CHEK1: variants seen among roughly 807,000 people sequenced by gnomAD.
CHEK1 encodes the protein serine/threonine-protein kinase Chk1.
CHEK1 carries 32 observed loss-of-function variants against 60.2 expected under a neutral mutation model. The ratio of observed to expected loss-of-function variants is 0.53; its 90% confidence interval spans 0.40 to 0.71. The LOEUF (loss-of-function observed/expected upper bound fraction) is 0.71, where lower values mean the gene tolerates loss of function less well. Ranked by LOEUF, CHEK1 falls within the 30% of genes least tolerant of loss-of-function variation. The probability of loss-of-function intolerance (pLI) is 0.00; values close to 1 mark genes in which losing one functional copy is unlikely to be tolerated. For missense variants in CHEK1, 399 were observed against 564.6 expected (o/e 0.71, Z 2.97); for synonymous variants, 179 against 187.2 (o/e 0.96, Z 0.36).
At chr11:125,649,453 A>G (rs1941625598) in intron 11 of CHEK1, among the ~76,000 whole-genome samples, 1 of 151,880 alleles carries the variant, frequency 6.6e-6, no homozygotes, top group Non-Finnish European at 1.5e-5. Context: ...GCCAGGTGTC[A>G]TGGCTGACAC....
chr11:125,635,605 C>T, intron 7 of CHEK1, 72 bp downstream of exon 7: 1 of 994,168 alleles, frequency 1.0e-6, no homozygotes, highest in East Asian at 2.8e-5. Context: ...TGAATTTTTT[C>T]TTACTTTTTT....
intron 5 of CHEK1, among the ~76,000 whole-genome samples, chr11:125,630,049 A>C (rs3731402): frequency 0.021 from 3,124 of 152,146 alleles, 83 homozygotes; most frequent in African/African-American, 0.068. Flanking sequence ...TAATCCTTTA[A>C]TGGATTAATA....
chr11:125,677,809 T>C (rs376205119), downstream of CHEK1: 18 of 1,613,996 alleles, frequency 1.1e-5, no homozygotes, highest in African/African-American at 2.0e-4. Flanking sequence ...GTAGATGTGC[T>C]TGAAATTGGT....
chr11:125,639,663 T>C (rs537406677), intron 8 of CHEK1, among the ~76,000 whole-genome samples: 1 of 152,202 alleles, frequency 6.6e-6, no homozygotes, highest in Admixed American at 6.5e-5. Context: ...TGAGCTACTG[T>C]GTCTGGTCCC....
At chr11:125,669,477 T>C (rs1565390485) in intron 13 of CHEK1, among the ~76,000 whole-genome samples, 1 of 151,990 alleles carries the variant, frequency 6.6e-6, no homozygotes. Flanking sequence ...TTCAGTAATT[T>C]GCTTATTATG....
At chr11:125,641,190 A>G (rs552763615) in intron 8 of CHEK1, among the ~76,000 whole-genome samples, 1 of 152,092 alleles carries the variant, frequency 6.6e-6, no homozygotes, top group East Asian at 1.9e-4. Flanking sequence ...CAGTTCTCAG[A>G]CCTCTTGTTT....
downstream of CHEK1, among the ~76,000 whole-genome samples, chr11:125,678,485 T>C (rs1429649483): frequency 2.0e-5 from 3 of 152,154 alleles, no homozygotes; most frequent in Non-Finnish European, 4.4e-5. Flanking sequence ...AGGACAGAAG[T>C]GTTTAGTGAA....
chr11:125,672,513 G>A, intron 13 of CHEK1: 2 of 1,543,500 alleles, frequency 1.3e-6, no homozygotes, highest in Non-Finnish European at 1.8e-6. Flanking sequence ...GACTGGGGAA[G>A]GAACTAAATA....
downstream of CHEK1, among the ~76,000 whole-genome samples, chr11:125,658,384 C>A (rs1045140881): frequency 6.6e-6 from 1 of 152,098 alleles, no homozygotes; most frequent in South Asian, 2.1e-4. Context: ...TTATGACATG[C>A]CTGTTCTAGT....
Position 125,655,388 on chromosome 11 carries a change from G to A in CHEK1, c.*68G>A. On this transcript the variant is annotated 3_prime_UTR_variant, in exon 13 of 13. Transcript: ENST00000438015. ...CTATGTTGACATTATTCTTCCTAGA[G>A]AAGATTATCCTGTCCTGCAAACTGC... The A allele has an allele frequency of 8.6e-7, 1 of 1,164,570 alleles. No individual in the cohort carries two copies. The highest frequency in any genetic ancestry group is 2.4e-5 in the East Asian group (1 of 41,518). The allele number at this position is 1,164,570 out of a possible 1,614,324, so 72.1% of individuals were successfully genotyped here. A position where few individuals can be genotyped will look rare whatever the true frequency, so the allele number is the denominator to read the frequency against.
chr11:125,674,687 T>C (rs1003217237), intron 13 of CHEK1, among the ~76,000 whole-genome samples: 1 of 152,234 alleles, frequency 6.6e-6, no homozygotes, highest in African/African-American at 2.4e-5. Flanking sequence ...CCAACCTGGA[T>C]GGGCTACTGG....
chr11:125,642,032 T>C (rs943648719), intron 8 of CHEK1, among the ~76,000 whole-genome samples: 5 of 151,512 alleles, frequency 3.3e-5, no homozygotes, highest in Non-Finnish European at 5.9e-5. Context: ...GGTCATATTG[T>C]TGTTCTTCTT....
intron 13 of CHEK1, among the ~76,000 whole-genome samples, chr11:125,675,462 T>C (rs2134115764): frequency 6.6e-6 from 1 of 152,336 alleles, no homozygotes; most frequent in African/African-American, 2.4e-5. Flanking sequence ...TGGATGAATG[T>C]CTGCATGTAG....
At chr11:125,669,834 A>G (rs952818438) in intron 13 of CHEK1, among the ~76,000 whole-genome samples, 4 of 152,058 alleles carry the variant, frequency 2.6e-5, no homozygotes, top group African/African-American at 9.7e-5. Context: ...ATGCCTAGGC[A>G]TATTTCTTTG....
chr11:125,641,587 T>A (rs1254763240), intron 8 of CHEK1, among the ~76,000 whole-genome samples: 4 of 152,246 alleles, frequency 2.6e-5, no homozygotes, highest in Non-Finnish European at 5.9e-5. Flanking sequence ...AATTCCAAAC[T>A]GAGTTACTGA....
chr11:125,667,469 A>AT (rs1177380708), intron 13 of CHEK1, among the ~76,000 whole-genome samples: 1 of 152,148 alleles, frequency 6.6e-6, no homozygotes, highest in Non-Finnish European at 1.5e-5. Flanking sequence ...TCGTACATTG[A>AT]TTTTGTCAAT....
chr11:125,645,716 T>A (rs974549469), intron 11 of CHEK1, among the ~76,000 whole-genome samples: 1 of 152,178 alleles, frequency 6.6e-6, no homozygotes, highest in Non-Finnish European at 1.5e-5. Flanking sequence ...GAAGTGATAT[T>A]TTCATTCAGC....
At chr11:125,635,609 C>T in intron 7 of CHEK1, 76 bp downstream of exon 7, 5 of 832,532 alleles carry the variant, frequency 6.0e-6, no homozygotes, top group South Asian at 4.7e-5. Flanking sequence ...TTTTTTCTTA[C>T]TTTTTTTTTT....
intron 13 of CHEK1, among the ~76,000 whole-genome samples, chr11:125,670,612 T>G (rs930260321): frequency 6.6e-6 from 1 of 152,116 alleles, no homozygotes; most frequent in Non-Finnish European, 1.5e-5. Context: ...TGGTCAGAGG[T>G]TATCCTCAAA....
Sources: allele counts gnomAD v4.1 joint callset (sites outside exome capture counted in the v4.1 genomes callset), GRCh38; gene constraint gnomAD v4.1.1; transcripts MANE v1.5; gene names NCBI Gene and HGNC (gene_info 2026-07-23, HGNC 2026-07-21).